Variants in CAMTA1 observed in about 807,000 individuals in gnomAD.
CAMTA1 encodes calmodulin-binding transcription activator 1.
A neutral mutation model predicts 170.9 loss-of-function variants in CAMTA1; 27 were observed. The observed-to-expected ratio is 0.16, with a 90% confidence interval of 0.12 to 0.22. The LOEUF is 0.22. CAMTA1 is among the 10% of genes least tolerant of loss of function. The pLI, the probability that CAMTA1 is intolerant of heterozygous loss-of-function variation, is 1.00. For missense variants in CAMTA1, 1,619 were observed against 2,217.2 expected, an observed-to-expected ratio of 0.73 and a Z score of 5.42; for synonymous variants, 833 against 891.5, an observed-to-expected ratio of 0.93 and a Z score of 1.17.
Position 7,300,585 on chromosome 1 carries a change from G to A in CAMTA1, c.438+50959G>A, listed in dbSNP as rs1323948370. Among the ~76,000 whole-genome samples the A allele has an allele frequency of 6.6e-6, 1 of 152,092 alleles. No individual in the cohort carries two copies. Among genetic ancestry groups the A allele is most frequent in the African/African-American group, 2.4e-5 (1 of 41,406 alleles). On this transcript the variant is annotated intron_variant, in intron 5 of 22. Transcript: ENST00000303635. This position sits in a 1 kb window ranked among gnomAD's most constrained non-coding sequence, Gnocchi z 4.1. ...CCAGCTATTCGGGAGGCTGAGGTAG[G>A]AGAATCACTTGAACCCGGGAGGCAG...
rs1641674841 is a variant in CAMTA1, at chr1:7,093,117, C to G, written c.302+1746C>G. 6.6e-6 allele frequency among the ~76,000 whole-genome samples: 1 copy of G among 152,190 alleles called. No individual in the cohort carries two copies. Among genetic ancestry groups the G allele is most frequent in the Admixed American group, 6.5e-5 (1 of 15,280 alleles). ...AGAGAGCCTGACATGCTCATTTCCC[C>G]TTTCTTCTGCGGCATCTTCTTGGAG... On this transcript the variant is annotated intron_variant, in intron 4 of 22. Coordinates refer to ENST00000303635, the MANE Select transcript of CAMTA1 (RefSeq NM_015215.4). The surrounding 1 kb of genome is among the most constrained non-coding windows in gnomAD (Gnocchi z 4.6).
intron 6 of CAMTA1, among the ~76,000 whole-genome samples, chr1:7,608,550 G>A (rs1215563683): frequency 2.6e-5 from 4 of 152,194 alleles, no homozygotes; most frequent in African/African-American, 9.6e-5. Flanking sequence ...CCCCAGCCCA[G>A]GGAAAGGGAT....
intron 6 of CAMTA1, among the ~76,000 whole-genome samples, chr1:7,536,559 G>T (rs12077705): frequency 6.6e-6 from 1 of 152,162 alleles, no homozygotes; most frequent in Non-Finnish European, 1.5e-5. Flanking sequence ...CTTGACAGGG[G>T]CTCTAGCCCA....
Position 7,505,358 on chromosome 1 carries a change from T to C in CAMTA1, c.510+37457T>C, listed in dbSNP as rs2094086222. 2.0e-5 allele frequency among the ~76,000 whole-genome samples: 3 copies of C among 152,252 alleles called. No homozygotes were observed. In the South Asian group the frequency reaches 6.2e-4, roughly 32 times the overall value. On this transcript the variant is annotated intron_variant, in intron 6 of 22. Transcript: ENST00000303635. ...GCGGTCACTGAGTTTAGGGCCTACC[T>C]GAGGGGTGTGCTGGGACGTGGGCGT...
chr1:6,923,770 C>T (rs915364234), intron 3 of CAMTA1, among the ~76,000 whole-genome samples: 7 of 152,190 alleles, frequency 4.6e-5, no homozygotes, highest in South Asian at 4.1e-4. Flanking sequence ...ATGTCAGGCA[C>T]GCCTCTAGAA....
chr1:7,419,971 G>C (rs2091452095), intron 5 of CAMTA1, among the ~76,000 whole-genome samples: 1 of 152,044 alleles, frequency 6.6e-6, no homozygotes, highest in East Asian at 1.9e-4. Context: ...CATCATAACA[G>C]CTGCATGTTT....
At chr1:7,118,100 G>A (rs868365347) in intron 4 of CAMTA1, among the ~76,000 whole-genome samples, 1 of 152,178 alleles carries the variant, frequency 6.6e-6, no homozygotes, top group Non-Finnish European at 1.5e-5. Context: ...CAGAGCATCC[G>A]TCGCTCAAAT....
At chr1:7,051,504 G>A (rs989090204) in intron 3 of CAMTA1, among the ~76,000 whole-genome samples, 4 of 152,180 alleles carry the variant, frequency 2.6e-5, no homozygotes, top group Admixed American at 6.5e-5. Flanking sequence ...TTGGCCTCCC[G>A]CTACCCAGCG....
chr1:7,208,805 T>A (rs1182491763), intron 4 of CAMTA1, among the ~76,000 whole-genome samples: 1 of 152,202 alleles, frequency 6.6e-6, no homozygotes, highest in Non-Finnish European at 1.5e-5. Context: ...TCTGATGATG[T>A]CGAAGGGACC....
chr1:6,870,760 G>A (rs1668182464), intron 3 of CAMTA1, among the ~76,000 whole-genome samples: 1 of 152,176 alleles, frequency 6.6e-6, no homozygotes, highest in Non-Finnish European at 1.5e-5. Flanking sequence ...CATTTACACT[G>A]CTTTGTAGAA....
intron 6 of CAMTA1, among the ~76,000 whole-genome samples, chr1:7,481,589 T>C (rs921084404): frequency 2.0e-5 from 3 of 152,190 alleles, no homozygotes; most frequent in Non-Finnish European, 2.9e-5. Context: ...ATGTTTATGA[T>C]ATACAGAAAA....
intron 5 of CAMTA1, among the ~76,000 whole-genome samples, chr1:7,304,439 A>G (rs1459506658): frequency 6.6e-6 from 1 of 152,262 alleles, no homozygotes; most frequent in Non-Finnish European, 1.5e-5. Context: ...AATAAATTAT[A>G]GAAGAGGACA....
At chr1:6,909,877 C>T (rs1401661051) in intron 3 of CAMTA1, among the ~76,000 whole-genome samples, 1 of 152,222 alleles carries the variant, frequency 6.6e-6, no homozygotes, top group Non-Finnish European at 1.5e-5. Context: ...TTGGCTTTGG[C>T]CCCTCTGGTG....
intron 5 of CAMTA1, among the ~76,000 whole-genome samples, chr1:7,429,238 G>A (rs1009989932): frequency 6.6e-6 from 1 of 152,204 alleles, no homozygotes; most frequent in African/African-American, 2.4e-5. Context: ...TACCTCATAT[G>A]GTGGTTGCGA....
At chr1:7,238,022 AC>A (rs1209410937) in intron 4 of CAMTA1, among the ~76,000 whole-genome samples, 1 of 152,216 alleles carries the variant, frequency 6.6e-6, no homozygotes, top group Non-Finnish European at 1.5e-5. Context: ...CCTAGATCTC[AC>A]TCCAAATCTC....
At chr1:6,968,063 T>C (rs1340558232) in intron 3 of CAMTA1, among the ~76,000 whole-genome samples, 1 of 152,236 alleles carries the variant, frequency 6.6e-6, no homozygotes, top group African/African-American at 2.4e-5. Flanking sequence ...CTGGCAGCGT[T>C]CAGCAGCTCA....
chr1:7,484,058 G>A (rs2093580832), intron 6 of CAMTA1, among the ~76,000 whole-genome samples: 1 of 152,220 alleles, frequency 6.6e-6, no homozygotes, highest in African/African-American at 2.4e-5. Flanking sequence ...CTAAAATATT[G>A]TAGACCCAGC....
At chr1:7,757,941 T>G (rs1414118184) in intron 22 of CAMTA1, among the ~76,000 whole-genome samples, 15 of 152,158 alleles carry the variant, frequency 9.9e-5, no homozygotes, top group Non-Finnish European at 4.4e-5. Context: ...TCCCTTGTGA[T>G]AGAGCTGGCT....
intron 3 of CAMTA1, among the ~76,000 whole-genome samples, chr1:6,880,718 CT>C (rs1399232182): frequency 1.3e-5 from 2 of 152,216 alleles, no homozygotes; most frequent in Non-Finnish European, 2.9e-5. Flanking sequence ...AGCTTTTGTT[CT>C]GTCTGATATC....
Sources: gnomAD v4.1 joint callset for allele counts (sites outside exome capture counted in the v4.1 genomes callset) on GRCh38, gnomAD v4.1.1 for gene constraint, Gnocchi (gnomAD v3.1) non-coding constraint, MANE v1.5 for transcripts, NCBI Gene and HGNC (gene_info 2026-07-23, HGNC 2026-07-21) for gene names.